Variants in BCAS4 observed in about 807,000 individuals in gnomAD.
The protein encoded by BCAS4 is breast carcinoma amplified sequence 4, also known as breast carcinoma-amplified sequence 4.
In BCAS4, 9 loss-of-function variants were observed where a neutral mutation model predicts 15.7. The ratio of observed to expected loss-of-function variants is 0.57; its 90% CI spans 0.34 to 1.00. The LOEUF is 1.00. Among genes scored for constraint, BCAS4 ranks in the 50% least tolerant of loss-of-function variants. The pLI is 0.02. For missense variants in BCAS4, 225 were observed against 239.1 expected (o/e 0.94, Z 0.39); for synonymous variants, 101 against 99.5 (o/e 1.02, Z -0.09).
intron 1 of BCAS4, among the ~76,000 whole-genome samples, chr20:50,796,970 A>G (rs2087873432): frequency 6.6e-6 from 1 of 151,896 alleles, no homozygotes; most frequent in Non-Finnish European, 1.5e-5. Context: ...AGCCAGGACC[A>G]CAGGTGCGCA....
chr20:50,795,030 C>A (rs1223735024), upstream of BCAS4: 4 of 1,421,012 alleles, frequency 2.8e-6, no homozygotes, highest in Admixed American at 7.4e-5. Context: ...GAGGCCCGGG[C>A]GCAACCACGG....
chr20:50,817,356 T>C (rs2088152573), intron 1 of BCAS4, among the ~76,000 whole-genome samples: 1 of 152,220 alleles, frequency 6.6e-6, no homozygotes, highest in South Asian at 2.1e-4. Context: ...AACTATGGGA[T>C]GCCCGGTTGA....
At chr20:50,849,328 G>C (rs538127242) in intron 4 of BCAS4, among the ~76,000 whole-genome samples, 2 of 152,306 alleles carry the variant, frequency 1.3e-5, no homozygotes, top group East Asian at 3.9e-4. Flanking sequence ...ATGCTGCCCT[G>C]GGGGAGGGAA....
At chr20:50,816,396 C>T (rs1242254231) in intron 1 of BCAS4, among the ~76,000 whole-genome samples, 1 of 152,166 alleles carries the variant, frequency 6.6e-6, no homozygotes, top group Admixed American at 6.5e-5. Context: ...GCCCTCTGCA[C>T]GTTCGTTATT....
At chr20:50,822,405 T>C (rs1309099524) in intron 2 of BCAS4, among the ~76,000 whole-genome samples, 1 of 152,224 alleles carries the variant, frequency 6.6e-6, no homozygotes, top group Non-Finnish European at 1.5e-5. Flanking sequence ...TTAAGGAGTT[T>C]GTAGCTGTCC....
chr20:50,848,111 C>T (rs1334104636), intron 4 of BCAS4, among the ~76,000 whole-genome samples: 1 of 151,338 alleles, frequency 6.6e-6, no homozygotes, highest in South Asian at 2.1e-4. Context: ...GGCCCTTTAG[C>T]TGGGCATGGT....
intron 1 of BCAS4, among the ~76,000 whole-genome samples, chr20:50,796,892 A>G (rs2087872437): frequency 6.6e-6 from 1 of 151,172 alleles, no homozygotes; most frequent in South Asian, 2.1e-4. Context: ...GTGCAGTGAC[A>G]CAATCATAGC....
Position 50,810,601 on chromosome 20 carries a change from T to C in BCAS4, c.91-7610T>C, listed in dbSNP as rs370501347. Among the ~76,000 whole-genome samples the C allele has an allele frequency of 4.6e-5, 7 of 151,204 alleles. No individual in the cohort carries two copies. The East Asian group carries it at 7.7e-4, about 17-fold the overall frequency. ...TTATTTTTTTTGTGTTTTTTTTTTT[T>C]TTTTGAGACGGAGTCGTCTCGCTCT... On this transcript the variant is annotated intron_variant, in intron 1 of 4. Coordinates refer to ENST00000371608, the MANE Select transcript of BCAS4 (RefSeq NM_198799.4).
At chr20:50,806,672 G>A (rs373950843) in intron 1 of BCAS4, among the ~76,000 whole-genome samples, 4 of 151,926 alleles carry the variant, frequency 2.6e-5, no homozygotes, top group African/African-American at 9.6e-5. Flanking sequence ...GAGTTGCCTG[G>A]ACTTCTTTTT....
chr20:50,853,124 A>C (rs982183622), intron 4 of BCAS4, among the ~76,000 whole-genome samples: 30 of 150,840 alleles, frequency 2.0e-4, no homozygotes, highest in South Asian at 1.0e-3. Flanking sequence ...AATGCAGCTA[A>C]CAACATCCCC....
At chr20:50,836,962 C>G (rs186213562) in intron 3 of BCAS4, among the ~76,000 whole-genome samples, 2 of 152,234 alleles carry the variant, frequency 1.3e-5, no homozygotes, top group East Asian at 3.9e-4. Context: ...CCCACTTTGG[C>G]CTCTCAAAGT....
chr20:50,841,085 C>G (rs113441894), intron 3 of BCAS4, among the ~76,000 whole-genome samples: 16 of 152,336 alleles, frequency 1.1e-4, no homozygotes, highest in African/African-American at 3.8e-4. Context: ...CCGCCTCAGC[C>G]TCCCAAAGTG....
At chr20:50,819,156 C>G (rs1170292508) in intron 2 of BCAS4, among the ~76,000 whole-genome samples, 1 of 151,362 alleles carries the variant, frequency 6.6e-6, no homozygotes, top group African/African-American at 2.4e-5. Context: ...GCACTCCAGC[C>G]TGGGTGATAG....
chr20:50,802,021 G>T (rs917873080), intron 1 of BCAS4, among the ~76,000 whole-genome samples: 3 of 152,030 alleles, frequency 2.0e-5, no homozygotes, highest in African/African-American at 7.3e-5. Context: ...CTAGGGTCAT[G>T]CATGAAGGAC....
chr20:50,874,272 C>T (rs1466111945), intron 4 of BCAS4, among the ~76,000 whole-genome samples: 3 of 152,158 alleles, frequency 2.0e-5, no homozygotes, highest in Non-Finnish European at 4.4e-5. Flanking sequence ...CGCTGATCCC[C>T]GCAGCCCCCA....
intron 4 of BCAS4, among the ~76,000 whole-genome samples, chr20:50,870,360 G>A (rs1171850113): frequency 1.3e-5 from 2 of 152,220 alleles, no homozygotes; most frequent in East Asian, 3.9e-4. Flanking sequence ...GAGGCCCTGA[G>A]GTGGTGGGCT....
intron 4 of BCAS4, among the ~76,000 whole-genome samples, chr20:50,875,456 G>A (rs1319649454): frequency 2.0e-5 from 3 of 152,116 alleles, no homozygotes; most frequent in African/African-American, 7.2e-5. Flanking sequence ...GCACAGATGG[G>A]TACACAGTGG....
At chr20:50,819,586 A>G (rs6067561) in intron 2 of BCAS4, among the ~76,000 whole-genome samples, 30,026 of 151,942 alleles carry the variant, frequency 0.2, 3,766 homozygotes, top group African/African-American at 0.36. Context: ...AGTCATCCCT[A>G]CCTATTCAGC....
intron 3 of BCAS4, among the ~76,000 whole-genome samples, chr20:50,833,742 G>A (rs925227948): frequency 6.6e-6 from 1 of 152,176 alleles, no homozygotes; most frequent in Non-Finnish European, 1.5e-5. Flanking sequence ...TTCAACAAAC[G>A]TTTGCTGCAC....
Sources: gnomAD v4.1 joint callset for allele counts (sites outside exome capture counted in the v4.1 genomes callset) on GRCh38, gnomAD v4.1.1 for gene constraint, MANE v1.5 for transcripts, NCBI Gene and HGNC (gene_info 2026-07-23, HGNC 2026-07-21) for gene names.